The following MROH2A variants were observed in gnomAD, a reference collection of about 807,000 sequenced individuals.
MROH2A encodes maestro heat-like repeat-containing protein family member 2A.
Under a neutral mutation model 200.4 loss-of-function variants are expected in MROH2A, and 174 were observed. That is an observed-to-expected ratio of 0.87 (90% CI 0.77 to 0.98). The LOEUF (loss-of-function observed/expected upper bound fraction) is 0.98, where lower values mean the gene tolerates loss of function less well. Ranked by LOEUF, MROH2A falls within the 50% of genes least tolerant of loss-of-function variation. The pLI is 0.00. For missense variants in MROH2A, 2,045 were observed against 2,139.6 expected (o/e 0.96, Z 0.87); for synonymous variants, 829 against 840.4 (o/e 0.99, Z 0.23).
At chr2:233,792,988 G>C (rs1575926817) in intron 6 of MROH2A, 94 bp downstream of exon 6, 1 of 1,218,292 alleles carries the variant, frequency 8.2e-7, no homozygotes, top group East Asian at 2.6e-5. Flanking sequence ...TGTTGAAAAA[G>C]AGGTGCACTG....
Position 233,831,466 on chromosome 2 carries a change from C to T in MROH2A, c.4660C>T (p.His1554Tyr), listed in dbSNP as rs948915962. 5.8e-6 allele frequency: 9 copies of T among 1,550,388 alleles called. No homozygotes were observed. The African/African-American group carries it at 1.2e-4, about 21-fold the overall frequency. ...CTTCTGGGGCTGGAAGTCCCTGGAG[C>T]ATCCCTCAGGGCCAAGTGATACCGC... ...VHFWGWKSLE[H>Y]PSGPSDTATD... The change falls in exon 39 of 42, where the codon CAT (histidine) becomes TAT (tyrosine). Residue 1554 changes from histidine (H) to tyrosine (Y), a missense_variant. Around this residue, in one of 3 missense-constraint regions of MROH2A, gnomAD observed 1,201 missense variants for 1,311.3 expected, o/e 0.92. Transcript: ENST00000389758.
At chr2:233,783,374 T>C (rs1241953847) in intron 3 of MROH2A, among the ~76,000 whole-genome samples, 1 of 152,164 alleles carries the variant, frequency 6.6e-6, no homozygotes, top group Non-Finnish European at 1.5e-5. Context: ...TAAGAAACTT[T>C]TTATTACTGT....
chr2:233,781,184 C>G (rs9287649), intron 3 of MROH2A, among the ~76,000 whole-genome samples: 23,465 of 152,148 alleles, frequency 0.15, 1,902 homozygotes, highest in East Asian at 0.21. Flanking sequence ...GTGAATAGTA[C>G]TGCAATAAAC....
In MROH2A at chr2:233,796,112, G is replaced by A. The variant is rs1298976637; in HGVS notation, c.1138+67G>A. 54 of 1,519,210 alleles carry A rather than the reference G, an allele frequency of 3.6e-5. No individual in the cohort carries two copies. In the East Asian group the frequency reaches 1.3e-3, roughly 36 times the overall value. The allele number at this position is 1,519,210 out of a possible 1,614,324, so 94.1% of individuals were successfully genotyped here. A position where few individuals can be genotyped will look rare whatever the true frequency, so the allele number is the denominator to read the frequency against. On this transcript the variant is annotated intron_variant, in intron 10 of 41. Coordinates refer to ENST00000389758, the MANE Select transcript of MROH2A (RefSeq NM_001394639.1). ...CTGCAGGAGGCCTGTAGGAGTCCCG[G>A]CCCCTCTGAGCGCTGGGCCTGGGAC... is the stretch of plus-strand genomic sequence containing the variant.
At chr2:233,788,168 T>G (rs1701491614) in intron 3 of MROH2A, among the ~76,000 whole-genome samples, 1 of 120,426 alleles carries the variant, frequency 8.3e-6, no homozygotes, top group Non-Finnish European at 1.6e-5. Context: ...TATATACATA[T>G]ACATATATTA....
In MROH2A at chr2:233,779,728, C is replaced by T. The variant is rs138245177; in HGVS notation, c.152C>T (p.Thr51Met). 1,109 of 1,551,160 alleles carry T rather than the reference C, an allele frequency of 7.1e-4. 5 individuals carry two copies. In the African/African-American group the frequency reaches 0.012, roughly 17 times the overall value. Reference sequence around the variant, plus strand: ...ATCATTGACAGCGAGTCAGCAAAGACGGACACAACAGGGGCAGGCCTTGAC... The same window carrying T: ...ATCATTGACAGCGAGTCAGCAAAGATGGACACAACAGGGGCAGGCCTTGAC... ...LDIIDSESAK[T>M]DTTGAGLDMR... is the part of the protein sequence containing the mutation. Residue 51 changes from threonine (T) to methionine (M), a missense_variant, in exon 3 of 42, where the codon ACG becomes ATG. Around this residue, in one of 3 missense-constraint regions of MROH2A, gnomAD observed 831 missense variants for 800.0 expected, o/e 1.04. Transcript: ENST00000389758.
intron 34 of MROH2A, 24 bp downstream of exon 34, chr2:233,823,042 G>A (rs541123630): frequency 3.2e-6 from 5 of 1,548,918 alleles, no homozygotes; most frequent in Non-Finnish European, 4.4e-6. Context: ...CCCACAGGGT[G>A]GCAGGGGGAC....
At chr2:233,810,412 T>C (rs912662536) in intron 22 of MROH2A, among the ~76,000 whole-genome samples, 1 of 152,216 alleles carries the variant, frequency 6.6e-6, no homozygotes, top group Non-Finnish European at 1.5e-5. Context: ...GTGAGACTTA[T>C]TCACTGTCAT....
intron 15 of MROH2A, 113 bp from the exon 16 acceptor site, chr2:233,803,335 C>T: frequency 8.8e-7 from 1 of 1,142,314 alleles, no homozygotes; most frequent in Non-Finnish European, 1.3e-6. Flanking sequence ...GTTTGGGGAA[C>T]AAGATCATGT....
chr2:233,809,337 T>G lies in MROH2A; in HGVS notation c.2448+59T>G, dbSNP rs994562161. On this transcript the variant is annotated intron_variant, in intron 22 of 41. Transcript: ENST00000389758. ...TGGACCAGGCTGGTGGGTAGTAGCC[T>G]TCTGGCACTCTCTGGGCTCCTGCAT... 3.3e-6 allele frequency: 5 copies of G among 1,516,150 alleles called. No homozygotes were observed. In the African/African-American group the frequency reaches 6.9e-5, roughly 21 times the overall value. 93.9% of individuals were successfully genotyped at this position (1,516,150 alleles called of 1,614,324 possible).
In MROH2A at chr2:233,813,680, C is replaced by A. The variant is rs1198181698; in HGVS notation, c.2662C>A (p.Pro888Thr). The A allele has an allele frequency of 1.9e-6, 3 of 1,547,454 alleles. No individual in the cohort carries two copies. ...CTGCTTCTTCTCCAGCAAGCTGAAG[C>A]CTTTCTACTCCACAGAGGAAAACAG... ...EALSHLSKLK[P>T]FYSTEENSEL... The change falls in exon 25 of 42, where the codon CCT (proline) becomes ACT (threonine). Residue 888 changes from proline to threonine, a missense_variant. This residue lies in a region of MROH2A where 1,201 missense variants were observed against 1,311.3 expected (regional missense o/e 0.92). Transcript: ENST00000389758.
rs547701705 is a variant in MROH2A, at chr2:233,828,017, G to A, written c.4114-613G>A. ...TTGGTGTCTGGGACAGGCTGGAGGT[G>A]GACTGAGGTGGAGACAAAACATTTG... On this transcript the variant is annotated intron_variant, in intron 35 of 41. Transcript: ENST00000389758. The surrounding 1 kb of genome is among the most constrained non-coding windows in gnomAD (Gnocchi z 4.6). Among the ~76,000 whole-genome samples the A allele has an allele frequency of 3.9e-5, 6 of 152,234 alleles. No individual in the cohort carries two copies. Among genetic ancestry groups the A allele is most frequent in the Admixed American group, 3.9e-4 (6 of 15,294 alleles).
rs377553386 is a variant in MROH2A, at chr2:233,814,437, C to T, written c.2761-145C>T. On this transcript the variant is annotated intron_variant, in intron 25 of 41. Transcript: ENST00000389758. ...TCTTAAATGGTTGTCTTGTACTTCACTTGAGAAAATAAGTGTCAAGAGCTC... is the reference window on the plus strand; with the variant it reads ...TCTTAAATGGTTGTCTTGTACTTCATTTGAGAAAATAAGTGTCAAGAGCTC... The T allele has an allele frequency of 1.0e-5, 6 of 595,400 alleles. 1 individual carries two copies. In the African/African-American group the frequency reaches 1.1e-4, roughly 11 times the overall value. The allele number at this position is 595,400 out of a possible 1,614,324, so 36.9% of individuals were successfully genotyped here. A position where few individuals can be genotyped will look rare whatever the true frequency, so the allele number is the denominator to read the frequency against.
At chr2:233,804,697 G>A (rs1702680053) in intron 18 of MROH2A, 150 bp downstream of exon 18, 2 of 744,782 alleles carry the variant, frequency 2.7e-6, no homozygotes, top group African/African-American at 1.8e-5. Flanking sequence ...GAGTTACAAA[G>A]TCTATAGCTG....
intron 35 of MROH2A, among the ~76,000 whole-genome samples, chr2:233,825,775 T>A (rs1310852132): frequency 6.6e-6 from 1 of 152,122 alleles, no homozygotes; most frequent in Non-Finnish European, 1.5e-5. Flanking sequence ...GCCTGAAGTT[T>A]TCTTTTTTTT....
In MROH2A at chr2:233,807,665, G is replaced by A; in HGVS notation, c.2173-68G>A. ...GTACATGTGTGTGTGCCTTGCACGT[G>A]TGTGTGTGGGATCCTCCTCTGCCCA... On this transcript the variant is annotated intron_variant, in intron 20 of 41. Coordinates refer to ENST00000389758, the MANE Select transcript of MROH2A (RefSeq NM_001394639.1). This position sits in a 1 kb window ranked among gnomAD's most constrained non-coding sequence, Gnocchi z 4.3. The A allele has an allele frequency of 1.3e-6, 2 of 1,548,638 alleles. No homozygotes were observed. Among genetic ancestry groups the A allele is most frequent in the Non-Finnish European group, 1.7e-6 (2 of 1,145,976 alleles).
chr2:233,820,265 A>G lies in MROH2A; in HGVS notation c.3512+209A>G, dbSNP rs11563256. On this transcript the variant is annotated intron_variant, in intron 31 of 41. Coordinates refer to ENST00000389758, the MANE Select transcript of MROH2A (RefSeq NM_001394639.1). This position sits in a 1 kb window ranked among gnomAD's most constrained non-coding sequence, Gnocchi z 4.1. ...GCCCAGGCTTGTAGAACTTCGCCACATGGAGCTGGAATCTGGACCCGTAGC... is the reference window on the plus strand; with the variant it reads ...GCCCAGGCTTGTAGAACTTCGCCACGTGGAGCTGGAATCTGGACCCGTAGC... Among the ~76,000 whole-genome samples, 20,842 of 152,158 alleles carry G rather than the reference A, an allele frequency of 0.14. 1,939 individuals carry two copies. The highest frequency in any genetic ancestry group is 0.3 in the East Asian group (1,533 of 5,144).
chr2:233,796,400 G>A (rs1702115819), intron 11 of MROH2A, 87 bp downstream of exon 11: 1 of 866,864 alleles, frequency 1.2e-6, no homozygotes. Flanking sequence ...TTCATGTTCG[G>A]GCATTGCCAC....
intron 11 of MROH2A, among the ~76,000 whole-genome samples, chr2:233,798,171 C>T (rs1702233810): frequency 6.6e-6 from 1 of 152,194 alleles, no homozygotes. Flanking sequence ...TTTCTTGCCC[C>T]TCTTAAGCTT....
Sources: gnomAD v4.1 joint callset for allele counts (sites outside exome capture counted in the v4.1 genomes callset) on GRCh38, gnomAD v4.1.1 for gene constraint, gnomAD v4.1.1 regional missense constraint, Gnocchi (gnomAD v3.1) non-coding constraint, MANE v1.5 for transcripts, NCBI Gene and HGNC (gene_info 2026-07-23, HGNC 2026-07-21) for gene names.